Variants in TMEM229B observed in about 807,000 individuals in gnomAD.
TMEM229B encodes the protein chromosome 14 open reading frame 83.
A neutral mutation model predicts 13.7 loss-of-function variants in TMEM229B; 6 were observed. The observed-to-expected ratio is 0.44, with a 90% CI of 0.24 to 0.86. The LOEUF (loss-of-function observed/expected upper bound fraction) is 0.86. Ranked by LOEUF, TMEM229B falls within the 40% of genes least tolerant of loss-of-function variation. TMEM229B has a pLI of 0.23. For missense variants in TMEM229B, 170 were observed against 236.0 expected (o/e 0.72, Z 1.83); for synonymous variants, 107 against 102.1 (o/e 1.05, Z -0.29).
chr14:67,484,753 A>T (rs1018331657), intron 2 of TMEM229B, among the ~76,000 whole-genome samples: 8 of 152,134 alleles, frequency 5.3e-5, no homozygotes, highest in African/African-American at 1.9e-4. Flanking sequence ...GTGAGACCTC[A>T]TTTCTAATAA....
At chr14:67,505,809 C>T (rs1347697333) in intron 1 of TMEM229B, among the ~76,000 whole-genome samples, 1 of 151,914 alleles carries the variant, frequency 6.6e-6, no homozygotes, top group Non-Finnish European at 1.5e-5. Flanking sequence ...AGGGTTCAAG[C>T]AATTCTCCTG....
chr14:67,500,718 C>T (rs1396753320), intron 1 of TMEM229B, among the ~76,000 whole-genome samples: 1 of 151,356 alleles, frequency 6.6e-6, no homozygotes, highest in East Asian at 2.0e-4. Flanking sequence ...ACTACAGGCG[C>T]CCGCCACCAC....
chr14:67,521,640 A>G (rs1566707702), intron 1 of TMEM229B, among the ~76,000 whole-genome samples: 1 of 152,234 alleles, frequency 6.6e-6, no homozygotes, highest in South Asian at 2.1e-4. Context: ...TGAAGAACTC[A>G]TGATTCTGTG....
At chr14:67,486,820 G>A (rs548115969) in intron 2 of TMEM229B, among the ~76,000 whole-genome samples, 180 bp downstream of exon 2, 10 of 152,228 alleles carry the variant, frequency 6.6e-5, no homozygotes, top group South Asian at 2.1e-4. Context: ...GCCATAAGAC[G>A]GCTCCCGCAT....
chr14:67,520,418 T>A (rs1241585958), upstream of TMEM229B, among the ~76,000 whole-genome samples: 2 of 152,244 alleles, frequency 1.3e-5, no homozygotes, highest in Non-Finnish European at 2.9e-5. Context: ...GAATGTCATA[T>A]AGGTGAAATC....
chr14:67,473,186 G>C lies in TMEM229B; in HGVS notation c.*234C>G. The C allele has an allele frequency of 1.8e-6, 1 of 568,376 alleles. No homozygotes were observed. Among genetic ancestry groups the C allele is most frequent in the Non-Finnish European group, 3.1e-6 (1 of 324,150 alleles). 35.2% of individuals were successfully genotyped at this position (568,376 alleles called of 1,614,324 possible). A position where few individuals can be genotyped will look rare whatever the true frequency, so the allele number is the denominator to read the frequency against. ...GGTACCAACCCCTGAACTGGGCCGC[G>C]ATCCATGGACCCTTCCCAATGTCCC... On this transcript the variant is annotated 3_prime_UTR_variant, in exon 3 of 3. Transcript: ENST00000554480. This position sits in a 1 kb window ranked among gnomAD's most constrained non-coding sequence, Gnocchi z 6.5.
chr14:67,473,516 G>C lies in TMEM229B; in HGVS notation c.408C>G (p.Ile136Met). 2 of 1,614,176 alleles carry C rather than the reference G, an allele frequency of 1.2e-6. No homozygotes were observed. The highest frequency in any genetic ancestry group is 1.1e-5 in the South Asian group (1 of 91,086). Residue 136 changes from isoleucine to methionine, a missense_variant, in exon 3 of 3, where the codon ATC (isoleucine) becomes ATG (methionine). Ile to Met is a conservative substitution (Grantham distance 10). Coordinates refer to ENST00000554480, the MANE Select transcript of TMEM229B (RefSeq NM_001348543.2). The surrounding 1 kb of genome is among the most constrained non-coding windows in gnomAD (Gnocchi z 6.5). ...CGALIMEQFI[I>M]RNTLRLRFDK... Reference sequence around the variant, plus strand: ...CGAAGCGGAGGCGGAGGGTGTTGCGGATGATGAACTGCTCCATGATGAGGG... The same window carrying C: ...CGAAGCGGAGGCGGAGGGTGTTGCGCATGATGAACTGCTCCATGATGAGGG...
In TMEM229B at chr14:67,504,159, G is replaced by A. The variant is rs867568042; in HGVS notation, c.-192+10927C>T. Among the ~76,000 whole-genome samples, 6 of 152,052 alleles carry A rather than the reference G, an allele frequency of 3.9e-5. No homozygotes were observed. The South Asian group carries it at 6.3e-4, about 16-fold the overall frequency. ...CTCCTGAGTAGCTGGGATTACAGGC[G>A]CCCACCACCATGCCCAGATAATTTT... On this transcript the variant is annotated intron_variant, in intron 1 of 2. Coordinates refer to the TMEM229B transcript ENST00000357461.
At chr14:67,493,490 A>G (rs1300423900), upstream of TMEM229B, among the ~76,000 whole-genome samples, 2 of 152,212 alleles carry the variant, frequency 1.3e-5, no homozygotes, top group Non-Finnish European at 2.9e-5. Flanking sequence ...TCGTGATCGT[A>G]ACTGACACAG....
intron 1 of TMEM229B, among the ~76,000 whole-genome samples, chr14:67,529,272 G>C (rs1377053606): frequency 5.3e-5 from 8 of 152,140 alleles, no homozygotes; most frequent in Non-Finnish European, 1.5e-5. Flanking sequence ...ATACTGAACA[G>C]ATTATTTGCA....
intron 1 of TMEM229B, among the ~76,000 whole-genome samples, chr14:67,524,329 T>C (rs981802598): frequency 1.3e-5 from 2 of 152,170 alleles, no homozygotes; most frequent in Non-Finnish European, 2.9e-5. Flanking sequence ...CTGTCGTAAC[T>C]GCTAATTTTT....
chr14:67,473,347 G>T lies in TMEM229B; in HGVS notation c.*73C>A. ...GCAGGGCTTTTGCTGCATGGATGGG[G>T]CAACCTCACCAGCTTGGTCTCTTTG... On this transcript the variant is annotated 3_prime_UTR_variant, in exon 3 of 3. Transcript: ENST00000554480. This position sits in a 1 kb window ranked among gnomAD's most constrained non-coding sequence, Gnocchi z 6.5. 1 of 1,561,880 alleles carries T rather than the reference G, an allele frequency of 6.4e-7. No individual in the cohort carries two copies.
upstream of TMEM229B, among the ~76,000 whole-genome samples, chr14:67,489,251 C>G (rs1234667545): frequency 6.6e-6 from 1 of 152,152 alleles, no homozygotes; most frequent in Non-Finnish European, 1.5e-5. Context: ...TTGGCCAAAT[C>G]CAAACATTTG....
At chr14:67,516,235 G>A (rs556762249), upstream of TMEM229B, among the ~76,000 whole-genome samples, 1 of 152,286 alleles carries the variant, frequency 6.6e-6, no homozygotes, top group South Asian at 2.1e-4. Flanking sequence ...GGGTGCCTCA[G>A]CCAAGAGGAA....
chr14:67,484,678 T>C (rs1644067878), intron 2 of TMEM229B, among the ~76,000 whole-genome samples: 1 of 152,038 alleles, frequency 6.6e-6, no homozygotes, highest in Non-Finnish European at 1.5e-5. Context: ...AATCCCAGCA[T>C]TTTGGGAGGC....
chr14:67,527,025 T>C lies in TMEM229B; in HGVS notation c.-192+6611A>G, dbSNP rs202138063. On this transcript the variant is annotated intron_variant, in intron 1 of 2. Transcript: ENST00000554278. The stretch of plus-strand genomic sequence containing the variant: ...CAGGGCAGAGGGAGCTGCAATGGCT[T>C]GGTCAGCTCATTCTATCCATGTGTT... 3.3e-5 allele frequency among the ~76,000 whole-genome samples: 5 copies of C among 152,286 alleles called. No homozygotes were observed. The East Asian group carries it at 9.7e-4, about 29-fold the overall frequency.
chr14:67,521,183 G>A (rs1474557303), intron 1 of TMEM229B, among the ~76,000 whole-genome samples: 1 of 152,170 alleles, frequency 6.6e-6, no homozygotes, highest in African/African-American at 2.4e-5. Context: ...ATAGAGCTGG[G>A]TGACACATCA....
intron 1 of TMEM229B, among the ~76,000 whole-genome samples, chr14:67,494,767 C>T (rs1394625208): frequency 6.6e-6 from 1 of 152,136 alleles, no homozygotes; most frequent in Non-Finnish European, 1.5e-5. Flanking sequence ...AGAACGAAGG[C>T]TCGCCCAACA....
At chr14:67,510,496 A>G (rs911038698) in intron 1 of TMEM229B, among the ~76,000 whole-genome samples, 2 of 152,266 alleles carry the variant, frequency 1.3e-5, no homozygotes, top group Non-Finnish European at 1.5e-5. Flanking sequence ...TGCAGGCTAT[A>G]TGAAAGCTTT....
Sources: gnomAD v4.1 joint callset for allele counts (sites outside exome capture counted in the v4.1 genomes callset) on GRCh38, gnomAD v4.1.1 for gene constraint, Gnocchi (gnomAD v3.1) non-coding constraint, MANE v1.5 for transcripts, NCBI Gene and HGNC (gene_info 2026-07-23, HGNC 2026-07-21) for gene names.